Variants in COX16 observed in about 807,000 individuals in gnomAD.
COX16 encodes the protein cytochrome c oxidase assembly protein COX16 homolog, mitochondrial.
In COX16, 12 loss-of-function variants were observed where a neutral mutation model predicts 15.4. The observed-to-expected ratio is 0.78, with a 90% CI of 0.50 to 1.26. The LOEUF is 1.26. Among genes scored for constraint, COX16 ranks in the 50% most tolerant of loss-of-function variants. The pLI is 0.00. For missense variants in COX16, 124 were observed against 127.6 expected, an observed-to-expected ratio of 0.97 and a Z score of 0.14; for synonymous variants, 46 against 41.1, an observed-to-expected ratio of 1.12 and a Z score of -0.46.
intron 2 of COX16, 63 bp from the exon 3 acceptor site, chr14:70,329,299 T>TTTAAG (rs1321155002): frequency 4.0e-6 from 6 of 1,490,584 alleles, no homozygotes; most frequent in East Asian, 2.3e-5. Context: ...AATTTTCAAT[T>TTTAAG]TTAAGTTATA....
chr14:70,334,656 A>G (rs1467104265), intron 2 of COX16, among the ~76,000 whole-genome samples: 1 of 152,230 alleles, frequency 6.6e-6, no homozygotes, highest in Non-Finnish European at 1.5e-5. Flanking sequence ...TGTTATATCT[A>G]TAGGATGTTT....
intron 2 of COX16, among the ~76,000 whole-genome samples, chr14:70,342,026 GAAATA>G (rs567211537): frequency 9.2e-5 from 14 of 152,198 alleles, no homozygotes; most frequent in East Asian, 5.8e-4. Flanking sequence ...TAAATTAAGA[GAAATA>G]AAATAAAGCA....
chr14:70,357,161 A>C (rs909336794), intron 1 of COX16, among the ~76,000 whole-genome samples: 3,197 of 21,372 alleles, frequency 0.15, 264 homozygotes, highest in East Asian at 0.42. Flanking sequence ...CGTTTGTCAA[A>C]AAAAAAAAAA....
chr14:70,337,954 G>A (rs1487531623), intron 2 of COX16, among the ~76,000 whole-genome samples: 1 of 151,944 alleles, frequency 6.6e-6, no homozygotes. Flanking sequence ...AATCATAATA[G>A]AAATGTTGGG....
intron 1 of COX16, among the ~76,000 whole-genome samples, chr14:70,349,474 G>A (rs1007453436): frequency 6.6e-6 from 1 of 152,124 alleles, no homozygotes; most frequent in Non-Finnish European, 1.5e-5. Context: ...CATCCAGTCC[G>A]ATACAGGCCC....
chr14:70,350,564 T>C (rs1416939393), intron 1 of COX16, among the ~76,000 whole-genome samples: 1 of 152,236 alleles, frequency 6.6e-6, no homozygotes, highest in Non-Finnish European at 1.5e-5. Context: ...TCTTCTCCTA[T>C]GCAAAGAAAA....
intron 2 of COX16, among the ~76,000 whole-genome samples, chr14:70,330,556 A>G (rs568969257): frequency 9.2e-4 from 140 of 152,332 alleles, no homozygotes; most frequent in Non-Finnish European, 1.1e-3. Flanking sequence ...ATATGAACAC[A>G]AATGCAGAAT....
intron 1 of COX16, among the ~76,000 whole-genome samples, chr14:70,351,294 T>G (rs1886946603): frequency 6.6e-6 from 1 of 152,194 alleles, no homozygotes; most frequent in African/African-American, 2.4e-5. Flanking sequence ...AGACATAATA[T>G]GCATCGTGCT....
chr14:70,342,542 C>G, intron 2 of COX16, 116 bp downstream of exon 2: 1 of 909,806 alleles, frequency 1.1e-6, no homozygotes, highest in Non-Finnish European at 1.6e-6. Flanking sequence ...AAGATCACAT[C>G]TTAGTGTTGA....
intron 2 of COX16, among the ~76,000 whole-genome samples, chr14:70,334,125 TA>T (rs1886372490): frequency 1.3e-5 from 2 of 152,224 alleles, no homozygotes; most frequent in African/African-American, 2.4e-5. Flanking sequence ...CTGCATGATA[TA>T]CTAATACTGC....
At chr14:70,329,146 A>G in intron 3 of COX16, 28 bp downstream of exon 3, 12 of 1,583,524 alleles carry the variant, frequency 7.6e-6, no homozygotes, top group Non-Finnish European at 9.4e-6. Flanking sequence ...GATTGTTATA[A>G]GACAGAGACT....
chr14:70,338,574 C>T (rs1886529347), intron 2 of COX16, among the ~76,000 whole-genome samples: 1 of 152,144 alleles, frequency 6.6e-6, no homozygotes, highest in African/African-American at 2.4e-5. Flanking sequence ...AACCTGGTAC[C>T]AGTCCCCCTT....
intron 1 of COX16, among the ~76,000 whole-genome samples, chr14:70,355,435 A>G (rs564404121): frequency 1.3e-5 from 2 of 152,064 alleles, no homozygotes; most frequent in Non-Finnish European, 2.9e-5. Flanking sequence ...TTATTTTGTA[A>G]TCTTAATCAA....
chr14:70,331,158 C>T (rs8010607), intron 2 of COX16, among the ~76,000 whole-genome samples: 1 of 152,044 alleles, frequency 6.6e-6, no homozygotes, highest in Non-Finnish European at 1.5e-5. Context: ...CAGGCATGTG[C>T]CACTACGCCC....
At chr14:70,358,858 G>A in intron 1 of COX16, among the ~76,000 whole-genome samples, 1 of 152,126 alleles carries the variant, frequency 6.6e-6, no homozygotes, top group Non-Finnish European at 1.5e-5. Flanking sequence ...ACATCCTTAG[G>A]GAACTCAGTG....
At chr14:70,352,224 TTGCCTGGGCTAGAG>T (rs1886976384) in intron 1 of COX16, among the ~76,000 whole-genome samples, 1 of 152,256 alleles carries the variant, frequency 6.6e-6, no homozygotes, top group Non-Finnish European at 1.5e-5. Context: ...TCTCCCTCTG[TTGCCTGGGCTAGAG>T]TGCAGAGGAG....
intron 2 of COX16, among the ~76,000 whole-genome samples, chr14:70,331,424 C>A (rs1594908541): frequency 6.6e-6 from 1 of 151,688 alleles, no homozygotes; most frequent in East Asian, 1.9e-4. Context: ...GGAAAAAAAC[C>A]CAATAATCCA....
rs74353890 is a variant in COX16 at position 70,326,298 on chromosome 14, T to TA, written c.*34dup. ...AAGTCCAGTTAATAATATTTTTATT[T>TA]AAAAAAAAAAAAAAGGAAAAAAGAA... On this transcript the variant is annotated 3_prime_UTR_variant, in exon 4 of 4. Transcript: ENST00000389912. 0.063 allele frequency: 67,099 copies of TA among 1,056,920 alleles called. 4 individuals carry two copies. Among genetic ancestry groups the TA allele is most frequent in the Non-Finnish European group, 0.07 (54,735 of 786,998 alleles). 65.5% of individuals were successfully genotyped at this position (1,056,920 alleles called of 1,614,324 possible).
intron 2 of COX16, among the ~76,000 whole-genome samples, chr14:70,341,641 G>C (rs900778865): frequency 6.6e-6 from 1 of 152,080 alleles, no homozygotes; most frequent in Non-Finnish European, 1.5e-5. Context: ...TTCAAGTAAA[G>C]ACCCACTATA....
Sources: allele counts gnomAD v4.1 joint callset (sites outside exome capture counted in the v4.1 genomes callset), GRCh38; gene constraint gnomAD v4.1.1; transcripts MANE v1.5; gene names NCBI Gene and HGNC (gene_info 2026-07-23, HGNC 2026-07-21).